The following DPYD variants were observed in gnomAD, a reference collection of about 807,000 sequenced individuals.
DPYD encodes dihydropyrimidine dehydrogenase [NADP(+)].
DPYD carries 109 observed loss-of-function variants against 116.2 expected under a neutral mutation model. That is an observed-to-expected ratio of 0.94 (90% CI 0.80 to 1.10). The LOEUF is 1.10. DPYD is among the 50% of genes least tolerant of loss of function. DPYD has a pLI of 0.00. For missense variants in DPYD, 1,302 were observed against 1,254.5 expected, an observed-to-expected ratio of 1.04 and a Z score of -0.57; for synonymous variants, 440 against 432.0, an observed-to-expected ratio of 1.02 and a Z score of -0.23.
intron 18 of DPYD, among the ~76,000 whole-genome samples, chr1:97,269,236 C>T (rs1172641247): frequency 3.3e-5 from 5 of 152,110 alleles, no homozygotes; most frequent in African/African-American, 7.2e-5. Context: ...TATCAGAATG[C>T]CCCTTACCAT....
intron 14 of DPYD, among the ~76,000 whole-genome samples, chr1:97,387,471 G>T (rs913916566): frequency 6.6e-6 from 1 of 152,010 alleles, no homozygotes; most frequent in Non-Finnish European, 1.5e-5. Context: ...GGAGGAAAAT[G>T]TCATAATGAG....
At chr1:97,873,699 T>C (rs893952763) in intron 2 of DPYD, among the ~76,000 whole-genome samples, 10 of 151,916 alleles carry the variant, frequency 6.6e-5, no homozygotes, top group African/African-American at 2.2e-4. Flanking sequence ...ACAACAGTAA[T>C]AGTTCTCATC....
chr1:97,621,999 T>C (rs1021603205), intron 8 of DPYD, among the ~76,000 whole-genome samples: 2 of 152,070 alleles, frequency 1.3e-5, no homozygotes, highest in African/African-American at 4.8e-5. Flanking sequence ...ATCATACTTA[T>C]ATAAATAAAT....
At chr1:97,093,392 C>G (rs1477979582) in intron 21 of DPYD, among the ~76,000 whole-genome samples, 1 of 152,082 alleles carries the variant, frequency 6.6e-6, no homozygotes, top group African/African-American at 2.4e-5. Context: ...TATTTTCATT[C>G]TTCAGTTCAT....
intron 13 of DPYD, among the ~76,000 whole-genome samples, chr1:97,468,618 C>T (rs1035547593): frequency 6.6e-6 from 1 of 152,208 alleles, no homozygotes; most frequent in Non-Finnish European, 1.5e-5. Context: ...TTTGTTATAG[C>T]AGCCCAAATG....
chr1:97,588,203 G>C (rs1164999354), intron 10 of DPYD, among the ~76,000 whole-genome samples: 3 of 152,124 alleles, frequency 2.0e-5, no homozygotes, highest in Non-Finnish European at 2.9e-5. Context: ...AGTTAAATCA[G>C]TTACCATTTT....
intron 8 of DPYD, among the ~76,000 whole-genome samples, chr1:97,631,799 G>A (rs981100498): frequency 2.0e-5 from 3 of 151,846 alleles, no homozygotes; most frequent in Non-Finnish European, 4.4e-5. Flanking sequence ...CACTGTGTGG[G>A]GATATGGGGG....
rs536953960 is a variant in DPYD, at chr1:97,278,651, C to T, written c.2299+26608G>A. Among the ~76,000 whole-genome samples, 20 of 152,186 alleles carry T rather than the reference C, an allele frequency of 1.3e-4. No individual in the cohort carries two copies. The East Asian group carries it at 3.9e-3, about 29-fold the overall frequency. ...AATATGCAGAGAAAAATGAGGACAGCCAAATGAGGATAATCTGATGTGTAC... is the reference window on the plus strand; with the variant it reads ...AATATGCAGAGAAAAATGAGGACAGTCAAATGAGGATAATCTGATGTGTAC... On this transcript the variant is annotated intron_variant, in intron 18 of 22. Coordinates refer to ENST00000370192, the MANE Select transcript of DPYD (RefSeq NM_000110.4).
At chr1:97,764,076 C>A (rs1239344645) in intron 3 of DPYD, among the ~76,000 whole-genome samples, 3 of 150,944 alleles carry the variant, frequency 2.0e-5, no homozygotes, top group Non-Finnish European at 3.0e-5. Flanking sequence ...TGGCATGAGA[C>A]GGGAGGAAAG....
At chr1:97,442,623 G>C (rs2101765486) in intron 14 of DPYD, among the ~76,000 whole-genome samples, 1 of 151,922 alleles carries the variant, frequency 6.6e-6, no homozygotes, top group East Asian at 1.9e-4. Context: ...ATTAAAGCAG[G>C]GGAGTATAAT....
At chr1:97,761,940 G>T (rs1408858814) in intron 3 of DPYD, among the ~76,000 whole-genome samples, 1 of 152,118 alleles carries the variant, frequency 6.6e-6, no homozygotes, top group Non-Finnish European at 1.5e-5. Context: ...TCACTTATAA[G>T]TGTGAGTTCA....
At chr1:97,527,343 C>A (rs1183048958) in intron 12 of DPYD, among the ~76,000 whole-genome samples, 2 of 152,134 alleles carry the variant, frequency 1.3e-5, no homozygotes, top group East Asian at 3.9e-4. Context: ...TCCCAAAGTG[C>A]TGGGATTACA....
At chr1:97,297,524 C>G (rs781608039) in intron 18 of DPYD, among the ~76,000 whole-genome samples, 1 of 152,132 alleles carries the variant, frequency 6.6e-6, no homozygotes, top group Non-Finnish European at 1.5e-5. Context: ...TTTGGAAGAG[C>G]TCAGTGCATA....
At chr1:97,541,691 T>C (rs549498714) in intron 12 of DPYD, among the ~76,000 whole-genome samples, 191 of 152,322 alleles carry the variant, frequency 1.3e-3, no homozygotes, top group African/African-American at 4.3e-3. Flanking sequence ...ATATCCTTTT[T>C]ACAGTTTCCC....
intron 3 of DPYD, among the ~76,000 whole-genome samples, chr1:97,751,646 CTACTT>C (rs1664932995): frequency 6.6e-6 from 1 of 151,250 alleles, no homozygotes; most frequent in African/African-American, 2.4e-5. Context: ...ATGATGGTCT[CTACTT>C]TAGTCACAGC....
chr1:97,461,037 GAAA>G (rs374512056), intron 13 of DPYD, among the ~76,000 whole-genome samples: 2 of 117,182 alleles, frequency 1.7e-5, no homozygotes, highest in Admixed American at 9.0e-5. Flanking sequence ...AACTCCATCT[GAAA>G]AAAAAAAAAA....
At chr1:97,219,878 C>G (rs1165155649) in intron 19 of DPYD, among the ~76,000 whole-genome samples, 1 of 152,148 alleles carries the variant, frequency 6.6e-6, no homozygotes, top group East Asian at 1.9e-4. Flanking sequence ...AGATTCATCT[C>G]TGCCTATGTC....
intron 15 of DPYD, among the ~76,000 whole-genome samples, chr1:97,378,817 C>T (rs1312049748): frequency 6.6e-6 from 1 of 152,118 alleles, no homozygotes; most frequent in Admixed American, 6.6e-5. Flanking sequence ...ACAAGCAGGA[C>T]AGAGGAACTA....
chr1:97,578,869 C>A (rs1316861924), intron 10 of DPYD, among the ~76,000 whole-genome samples: 1 of 151,948 alleles, frequency 6.6e-6, no homozygotes, highest in South Asian at 2.1e-4. Flanking sequence ...AATAGAGACA[C>A]CTTGAATCCA....
Sources: allele counts gnomAD v4.1 joint callset (sites outside exome capture counted in the v4.1 genomes callset), GRCh38; gene constraint gnomAD v4.1.1; transcripts MANE v1.5; gene names NCBI Gene and HGNC (gene_info 2026-07-23, HGNC 2026-07-21).